Variants in SUSD5 observed in about 807,000 individuals in gnomAD.
The protein encoded by SUSD5 is sushi domain containing 5.
In SUSD5, 33 loss-of-function variants were observed where a neutral mutation model predicts 29.5. The observed-to-expected ratio is 1.12, with a 90% CI of 0.85 to 1.49. SUSD5 has a LOEUF of 1.49. SUSD5 is among the 40% of genes most tolerant of loss of function. SUSD5 has a pLI of 0.00. For synonymous variants in SUSD5, 308 were observed against 325.3 expected (o/e 0.95, Z 0.57); for missense variants, 776 against 800.6 (o/e 0.97, Z 0.37).
intron 1 of SUSD5, among the ~76,000 whole-genome samples, chr3:33,217,368 A>T (rs1314846518): frequency 6.6e-6 from 1 of 152,200 alleles, no homozygotes; most frequent in Non-Finnish European, 1.5e-5. Context: ...GAGTGATGGA[A>T]ATGTTCTGGA....
chr3:33,214,011 T>C lies in SUSD5; in HGVS notation c.207A>G (p.Ala69=). Residue 69 remains alanine, a synonymous_variant, in exon 2 of 5, where the codon GCA becomes GCG. Transcript: ENST00000309558. Reference sequence around the variant, plus strand: ...CCACTCTCCGCAGCTCGTCTGCAGATGCCAGGTGAGCGCCCCTGCTCTTGC... The same window carrying C: ...CCACTCTCCGCAGCTCGTCTGCAGACGCCAGGTGAGCGCCCCTGCTCTTGC... The part of the protein sequence containing the change: ...LSCKSRGAHL[A]SADELRRVVQ... 6.2e-7 allele frequency: 1 copy of C among 1,613,848 alleles called. No individual in the cohort carries two copies. The highest frequency in any genetic ancestry group is 8.5e-7 in the Non-Finnish European group (1 of 1,179,822).
intron 3 of SUSD5, among the ~76,000 whole-genome samples, 187 bp downstream of exon 3, chr3:33,207,621 G>A (rs182643335): frequency 3.9e-5 from 6 of 152,212 alleles, no homozygotes; most frequent in South Asian, 2.1e-4. Flanking sequence ...ATATTGCACC[G>A]ATGCTTGACC....
At chr3:33,191,840 G>A (rs1203053396) in intron 3 of SUSD5, among the ~76,000 whole-genome samples, 1 of 152,082 alleles carries the variant, frequency 6.6e-6, no homozygotes, top group Admixed American at 6.5e-5. Flanking sequence ...AGCTACTCAG[G>A]CAGCTGAGGT....
At position 33,153,001 on chromosome 3, in the gene SUSD5, T is replaced by C. The variant is rs1378932207; in HGVS notation, c.1631A>G (p.Gln544Arg). 1 of 1,613,750 alleles carries C rather than the reference T, an allele frequency of 6.2e-7. No homozygotes were observed. Among genetic ancestry groups the C allele is most frequent in the Non-Finnish European group, 8.5e-7 (1 of 1,179,808 alleles). Reference sequence around the variant, plus strand: ...ACTTGCACCTGGCCCGGGGCCTTCCTGTCCAAAGAAGTCTTCAGACAGCAG... The same window carrying C: ...ACTTGCACCTGGCCCGGGGCCTTCCCGTCCAAAGAAGTCTTCAGACAGCAG... ...PYLLSEDFFGQEGPGPGASEE... is the reference protein window; with the variant it reads ...PYLLSEDFFGREGPGPGASEE... The change falls in exon 5 of 5, where the codon CAG becomes CGG. Residue 544 changes from glutamine to arginine, a missense_variant. Transcript: ENST00000309558.
chr3:33,163,198 G>A (rs1245021537), intron 4 of SUSD5, among the ~76,000 whole-genome samples: 2 of 152,028 alleles, frequency 1.3e-5, no homozygotes, highest in African/African-American at 2.4e-5. Context: ...TATATACAGT[G>A]TAACCTTGGT....
intron 3 of SUSD5, among the ~76,000 whole-genome samples, chr3:33,202,024 T>TTATC (rs60454731): frequency 0.46 from 67,415 of 146,390 alleles, 15,809 homozygotes; most frequent in Non-Finnish European, 0.53. Flanking sequence ...AGGGGAGAAG[T>TTATC]TATCTATCTA....
At chr3:33,171,848 C>A (rs569594108) in intron 4 of SUSD5, among the ~76,000 whole-genome samples, 11 of 152,328 alleles carry the variant, frequency 7.2e-5, no homozygotes, top group Admixed American at 6.5e-4. Flanking sequence ...TGGAAACACA[C>A]TTCCTGTAAA....
chr3:33,185,699 C>A (rs778759289), intron 3 of SUSD5, among the ~76,000 whole-genome samples: 1 of 152,198 alleles, frequency 6.6e-6, no homozygotes, highest in Non-Finnish European at 1.5e-5. Context: ...CATGCTGGGC[C>A]AGAAACCAGA....
intron 4 of SUSD5, among the ~76,000 whole-genome samples, chr3:33,163,147 CA>C: frequency 6.6e-6 from 1 of 152,072 alleles, no homozygotes; most frequent in Admixed American, 6.5e-5. Context: ...CAAACTCTTC[CA>C]GACAAAAGAG....
chr3:33,184,238 C>T (rs923247259), intron 3 of SUSD5, among the ~76,000 whole-genome samples: 7 of 152,074 alleles, frequency 4.6e-5, no homozygotes, highest in Non-Finnish European at 1.0e-4. Flanking sequence ...CCACACCCGG[C>T]CTTACACTGT....
intron 4 of SUSD5, chr3:33,168,685 C>G (rs1444211732): frequency 2.7e-6 from 2 of 734,442 alleles, no homozygotes; most frequent in African/African-American, 3.8e-5. Context: ...AATCTCACTC[C>G]GTTGCCCAGG....
chr3:33,159,724 C>T (rs79988599), intron 4 of SUSD5, among the ~76,000 whole-genome samples: 2 of 149,812 alleles, frequency 1.3e-5, no homozygotes, highest in Non-Finnish European at 3.0e-5. Flanking sequence ...CACACACACA[C>T]AAACACAAAC....
chr3:33,209,165 G>A (rs1294749349), intron 2 of SUSD5, among the ~76,000 whole-genome samples: 1 of 152,056 alleles, frequency 6.6e-6, no homozygotes, highest in Admixed American at 6.5e-5. Context: ...TCAGTTTATT[G>A]TTGCTCCTTT....
intron 3 of SUSD5, among the ~76,000 whole-genome samples, chr3:33,205,070 G>A (rs538769250): frequency 6.6e-6 from 1 of 151,942 alleles, no homozygotes; most frequent in Non-Finnish European, 1.5e-5. Context: ...TTGAACCATT[G>A]GAGAGTAAGT....
At chr3:33,210,657 G>T (rs2032306280) in intron 2 of SUSD5, among the ~76,000 whole-genome samples, 1 of 152,170 alleles carries the variant, frequency 6.6e-6, no homozygotes, top group East Asian at 1.9e-4. Flanking sequence ...TTTTCAGTGT[G>T]TGGTGAGGGA....
At chr3:33,174,793 G>T in intron 4 of SUSD5, 93 bp downstream of exon 4, 1 of 1,465,640 alleles carries the variant, frequency 6.8e-7, no homozygotes, top group East Asian at 2.3e-5. Context: ...GCACCTTGGT[G>T]GAGAAGAGCC....
chr3:33,167,804 G>A lies in SUSD5; in HGVS notation c.598+7082C>T, dbSNP rs2031335451. ...GATGGAGAAGCCCAGCTCTCTGCCTGTGGAGGTACTGTATCTCTCACCTCC... is the reference window on the plus strand; with the variant it reads ...GATGGAGAAGCCCAGCTCTCTGCCTATGGAGGTACTGTATCTCTCACCTCC... On this transcript the variant is annotated intron_variant, in intron 4 of 4. Transcript: ENST00000309558. The surrounding 1 kb of genome is among the most constrained non-coding windows in gnomAD (Gnocchi z 4.1). 6.6e-6 allele frequency among the ~76,000 whole-genome samples: 1 copy of A among 152,196 alleles called. No homozygotes were observed. The highest frequency in any genetic ancestry group is 1.9e-4 in the East Asian group (1 of 5,196).
chr3:33,169,369 C>CAAT (rs2031373038), intron 4 of SUSD5, among the ~76,000 whole-genome samples: 1 of 151,878 alleles, frequency 6.6e-6, no homozygotes, highest in African/African-American at 2.4e-5. Flanking sequence ...TACAGGCGCC[C>CAAT]GCCACCACGC....
intron 3 of SUSD5, among the ~76,000 whole-genome samples, chr3:33,202,426 G>T (rs2032138310): frequency 6.6e-6 from 1 of 152,164 alleles, no homozygotes; most frequent in South Asian, 2.1e-4. Context: ...TGACATGAAG[G>T]AAGGGAATAA....
Sources: allele counts gnomAD v4.1 joint callset (sites outside exome capture counted in the v4.1 genomes callset), GRCh38; gene constraint gnomAD v4.1.1; non-coding constraint Gnocchi (gnomAD v3.1); transcripts MANE v1.5; gene names NCBI Gene and HGNC (gene_info 2026-07-23, HGNC 2026-07-21).